DLG2: variants seen among roughly 807,000 people sequenced by gnomAD.
DLG2 encodes discs large MAGUK scaffold protein 2, also known as disks large homolog 2.
A neutral mutation model predicts 132.5 loss-of-function variants in DLG2; 45 were observed. The ratio of observed to expected loss-of-function variants is 0.34; its 90% CI spans 0.27 to 0.44. DLG2 has a LOEUF of 0.44. Among genes scored for constraint, DLG2 ranks in the 20% least tolerant of loss-of-function variants. The pLI is 1.00. For synonymous variants in DLG2, 424 were observed against 419.6 expected (o/e 1.01, Z -0.13); for missense variants, 1,045 against 1,196.9 (o/e 0.87, Z 1.87).
intron 15 of DLG2, among the ~76,000 whole-genome samples, chr11:83,875,240 GA>G (rs1364643066): frequency 6.6e-6 from 1 of 152,012 alleles, no homozygotes; most frequent in Non-Finnish European, 1.5e-5. Context: ...CCTGTAACAA[GA>G]AAAGACTGAT....
At chr11:84,486,050 A>C (rs940518026) in intron 7 of DLG2, among the ~76,000 whole-genome samples, 12 of 152,288 alleles carry the variant, frequency 7.9e-5, no homozygotes, top group African/African-American at 2.9e-4. Flanking sequence ...TGGGAGAGAC[A>C]CATATGCCTT....
chr11:84,809,876 G>C (rs1157286115), intron 6 of DLG2, among the ~76,000 whole-genome samples: 1 of 151,876 alleles, frequency 6.6e-6, no homozygotes, highest in Non-Finnish European at 1.5e-5. Context: ...AAACTATGTG[G>C]GGTCCAAGGC....
At chr11:83,730,676 T>C (rs1306454630) in intron 18 of DLG2, among the ~76,000 whole-genome samples, 1 of 152,204 alleles carries the variant, frequency 6.6e-6, no homozygotes, top group Non-Finnish European at 1.5e-5. Context: ...CTGCCATTTA[T>C]TTGGCTTCCT....
intron 5 of DLG2, among the ~76,000 whole-genome samples, chr11:85,121,648 G>A (rs1232336567): frequency 6.6e-6 from 1 of 151,958 alleles, no homozygotes; most frequent in Admixed American, 6.6e-5. Flanking sequence ...TTTTCCAGGT[G>A]TATATAAGGA....
intron 11 of DLG2, among the ~76,000 whole-genome samples, chr11:84,032,854 T>C (rs1328558228): frequency 1.3e-5 from 2 of 152,154 alleles, no homozygotes; most frequent in Non-Finnish European, 2.9e-5. Flanking sequence ...CCTGGAGCCC[T>C]TAAGAATTAT....
At chr11:84,624,857 C>CTTTT (rs776520040) in intron 6 of DLG2, among the ~76,000 whole-genome samples, 9 of 76,176 alleles carry the variant, frequency 1.2e-4, no homozygotes, top group East Asian at 9.0e-4. Context: ...GAGAGTCAAC[C>CTTTT]TTTTTTTTTT....
chr11:84,063,620 C>A (rs1038246601), intron 10 of DLG2, among the ~76,000 whole-genome samples: 4 of 152,094 alleles, frequency 2.6e-5, no homozygotes, highest in African/African-American at 9.7e-5. Flanking sequence ...TGGGTATATA[C>A]CCAAAGGATT....
intron 17 of DLG2, among the ~76,000 whole-genome samples, chr11:83,823,740 A>G (rs2051568761): frequency 6.6e-6 from 1 of 152,204 alleles, no homozygotes; most frequent in Non-Finnish European, 1.5e-5. Context: ...AGAGATGAAT[A>G]AAACACAGTT....
At chr11:84,604,294 C>T (rs1006383819) in intron 6 of DLG2, among the ~76,000 whole-genome samples, 3 of 151,762 alleles carry the variant, frequency 2.0e-5, no homozygotes, top group Admixed American at 6.6e-5. Context: ...GTACAAAACT[C>T]AGGAGATGAG....
chr11:83,776,936 A>G (rs2094604759), intron 18 of DLG2, among the ~76,000 whole-genome samples: 1 of 152,150 alleles, frequency 6.6e-6, no homozygotes, highest in South Asian at 2.1e-4. Flanking sequence ...AGACTTTAAG[A>G]TTTTGGATCC....
At chr11:85,462,002 A>G (rs1402704721) in intron 3 of DLG2, among the ~76,000 whole-genome samples, 1 of 152,274 alleles carries the variant, frequency 6.6e-6, no homozygotes, top group Non-Finnish European at 1.5e-5. Context: ...ATATTAACAG[A>G]TACTTCTCAA....
chr11:84,480,360 A>C (rs1341664143), intron 7 of DLG2, among the ~76,000 whole-genome samples: 1 of 152,122 alleles, frequency 6.6e-6, no homozygotes, highest in Non-Finnish European at 1.5e-5. Flanking sequence ...TTTAGGGATA[A>C]GACTGTTTAA....
At chr11:84,318,537 T>G (rs2098382556) in intron 7 of DLG2, among the ~76,000 whole-genome samples, 1 of 152,184 alleles carries the variant, frequency 6.6e-6, no homozygotes, top group South Asian at 2.1e-4. Flanking sequence ...GATTTTTGCC[T>G]GAGCTGGCAA....
intron 3 of DLG2, among the ~76,000 whole-genome samples, chr11:85,405,203 T>A (rs1186689206): frequency 6.6e-6 from 1 of 151,966 alleles, no homozygotes; most frequent in Middle Eastern, 3.2e-3. Flanking sequence ...GATTTTAATG[T>A]TTCATTTTAT....
chr11:84,162,471 T>C (rs2095568670), intron 9 of DLG2, among the ~76,000 whole-genome samples: 1 of 151,978 alleles, frequency 6.6e-6, no homozygotes, highest in Admixed American at 6.6e-5. Flanking sequence ...TATTTTAATA[T>C]AATTTATATT....
chr11:83,965,580 C>T, intron 12 of DLG2, 112 bp from the exon 13 acceptor site: 1 of 805,654 alleles, frequency 1.2e-6, no homozygotes, highest in South Asian at 1.8e-5. Context: ...GTCCAGTATC[C>T]TTGACATAAC....
At position 84,826,727 on chromosome 11, in the gene DLG2, T is replaced by G. The variant is rs867127937; in HGVS notation, c.357+284934A>C. Among the ~76,000 whole-genome samples, 3 of 151,822 alleles carry G rather than the reference T, an allele frequency of 2.0e-5. No individual in the cohort carries two copies. The East Asian group carries it at 5.9e-4, about 30-fold the overall frequency. ...CATAGAGGGCACACTGGCACTGCCA[T>G]GGTGTGAGGTGCCATGTTTTCTAAC... On this transcript the variant is annotated intron_variant, in intron 6 of 27. Transcript: ENST00000376104.
chr11:84,897,381 A>G (rs1381198000), intron 6 of DLG2, among the ~76,000 whole-genome samples: 2 of 151,864 alleles, frequency 1.3e-5, no homozygotes, highest in African/African-American at 2.4e-5. Flanking sequence ...TGCTATAAGC[A>G]ATATAGCTTA....
chr11:84,395,062 A>G (rs1379544071), intron 7 of DLG2, among the ~76,000 whole-genome samples: 1 of 152,064 alleles, frequency 6.6e-6, no homozygotes, highest in Admixed American at 6.6e-5. Context: ...TGAATTCTGG[A>G]TAAATTTTCT....
Sources: allele counts gnomAD v4.1 joint callset (sites outside exome capture counted in the v4.1 genomes callset), GRCh38; gene constraint gnomAD v4.1.1; transcripts MANE v1.5; gene names NCBI Gene and HGNC (gene_info 2026-07-23, HGNC 2026-07-21).